Variants in GALK2 observed in about 807,000 individuals in gnomAD.
GALK2 encodes the protein galactokinase 2, also known as N-acetylgalactosamine kinase.
In GALK2, 36 loss-of-function variants were observed where a neutral mutation model predicts 52.4. The observed-to-expected ratio is 0.69, with a 90% confidence interval of 0.53 to 0.91. The LOEUF (loss-of-function observed/expected upper bound fraction) is 0.91. Among genes scored for constraint, GALK2 ranks in the 40% least tolerant of loss-of-function variants. The probability of loss-of-function intolerance (pLI) is 0.00; values close to 1 mark genes in which losing one functional copy is unlikely to be tolerated. For missense variants in GALK2, 579 were observed against 559.1 expected (o/e 1.04, Z -0.36); for synonymous variants, 176 against 199.1 (o/e 0.88, Z 0.98).
intron 8 of GALK2, among the ~76,000 whole-genome samples, chr15:49,308,536 C>T (rs1567045994): frequency 6.6e-6 from 1 of 152,182 alleles, no homozygotes; most frequent in Non-Finnish European, 1.5e-5. Context: ...TCTTAAAATA[C>T]TTATTGCTTT....
intron 2 of GALK2, among the ~76,000 whole-genome samples, chr15:49,208,328 C>A (rs922018295): frequency 6.6e-6 from 1 of 152,110 alleles, no homozygotes; most frequent in African/African-American, 2.4e-5. Context: ...TTAGCTGTAT[C>A]CCAGAGGTTT....
At chr15:49,168,108 T>A (rs549701044), upstream of GALK2, among the ~76,000 whole-genome samples, 1 of 152,330 alleles carries the variant, frequency 6.6e-6, no homozygotes, top group South Asian at 2.1e-4. Context: ...TTTGTGCCAA[T>A]CATTTCAAAA....
intron 5 of GALK2, among the ~76,000 whole-genome samples, chr15:49,243,636 A>C (rs187689686): frequency 1.7e-4 from 26 of 152,292 alleles, no homozygotes; most frequent in Admixed American, 1.0e-3. Flanking sequence ...AACAAAAAAA[A>C]CAGAGAAAAC....
intron 9 of GALK2, 23 bp downstream of exon 9, chr15:49,319,828 A>T (rs1198180940): frequency 1.3e-6 from 2 of 1,594,186 alleles, no homozygotes; most frequent in African/African-American, 2.7e-5. Context: ...GGTGGGGGCC[A>T]AGGGATGCCA....
intron 3 of GALK2, among the ~76,000 whole-genome samples, chr15:49,228,660 GATATATATAT>G (rs34288229): frequency 2.1e-4 from 3 of 14,226 alleles, no homozygotes; most frequent in African/African-American, 9.2e-4. Context: ...GTCTTTCACT[GATATATATAT>G]ATATATATAT....
intron 1 of GALK2, among the ~76,000 whole-genome samples, chr15:49,162,645 T>C (rs940003398): frequency 1.3e-5 from 2 of 152,242 alleles, no homozygotes; most frequent in African/African-American, 2.4e-5. Flanking sequence ...GATTACATTA[T>C]ACAAGATTGT....
intron 5 of GALK2, among the ~76,000 whole-genome samples, chr15:49,255,664 GCTGT>G (rs2091785978): frequency 6.6e-6 from 1 of 151,870 alleles, no homozygotes; most frequent in Non-Finnish European, 1.5e-5. Flanking sequence ...GTAGAGATCT[GCTGT>G]CTATCAAAAT....
intron 7 of GALK2, among the ~76,000 whole-genome samples, chr15:49,284,582 A>T (rs1369095813): frequency 6.6e-6 from 1 of 152,162 alleles, no homozygotes; most frequent in East Asian, 1.9e-4. Context: ...TGATCTCCTG[A>T]TGGATACTGA....
chr15:49,308,668 C>T (rs1313077720), intron 8 of GALK2, among the ~76,000 whole-genome samples: 1 of 152,136 alleles, frequency 6.6e-6, no homozygotes, highest in East Asian at 1.9e-4. Context: ...AGATGATGGT[C>T]CAGCTCTCCC....
At position 49,319,757 on chromosome 15, in the gene GALK2, T is replaced by C. The variant is rs748001624; in HGVS notation, c.1121T>C (p.Met374Thr). Residue 374 changes from methionine (M) to threonine (T), a missense_variant, in exon 9 of 10, where the codon ATG becomes ACG. Coordinates refer to ENST00000560031, the MANE Select transcript of GALK2 (RefSeq NM_002044.4). ...CAGAGCCACATGAGCTGCCGGGACA[T>C]GTATGAGTGCAGCTGCCCCGAGCTG... Reference protein sequence around the residue: ...MNQSHMSCRDMYECSCPELDQ... With the variant: ...MNQSHMSCRDTYECSCPELDQ... 28 of 1,613,920 alleles carry C rather than the reference T, an allele frequency of 1.7e-5. No individual in the cohort carries two copies. Among genetic ancestry groups the C allele is most frequent in the East Asian group, 2.2e-5 (1 of 44,882 alleles).
intron 2 of GALK2, among the ~76,000 whole-genome samples, chr15:49,202,121 A>AG (rs1287763692): frequency 1.3e-5 from 2 of 152,100 alleles, no homozygotes; most frequent in Non-Finnish European, 2.9e-5. Context: ...CTCCTGCCTC[A>AG]GCCTCCCGAG....
intron 1 of GALK2, chr15:49,161,744 A>T (rs1361964206): frequency 5.3e-6 from 1 of 188,470 alleles, no homozygotes; most frequent in Non-Finnish European, 1.1e-5. Context: ...TTTGAGATGG[A>T]GTCTTGCTTT....
At chr15:49,276,584 A>G (rs1324703098) in intron 5 of GALK2, among the ~76,000 whole-genome samples, 2 of 152,242 alleles carry the variant, frequency 1.3e-5, no homozygotes, top group Non-Finnish European at 2.9e-5. Flanking sequence ...CTGTCTGATT[A>G]TAATCCTTGG....
chr15:49,209,986 T>A (rs985661124), intron 2 of GALK2, among the ~76,000 whole-genome samples: 1 of 152,196 alleles, frequency 6.6e-6, no homozygotes, highest in Non-Finnish European at 1.5e-5. Context: ...TTGGGAGACT[T>A]TTTACTGTTG....
chr15:49,259,850 G>A (rs553048778), intron 5 of GALK2, among the ~76,000 whole-genome samples: 5 of 150,818 alleles, frequency 3.3e-5, no homozygotes, highest in South Asian at 2.1e-4. Context: ...TTGTTCTTGC[G>A]ATACTTTACT....
intron 1 of GALK2, among the ~76,000 whole-genome samples, chr15:49,194,474 G>A (rs1300693698): frequency 6.6e-6 from 1 of 152,036 alleles, no homozygotes; most frequent in Non-Finnish European, 1.5e-5. Flanking sequence ...TTTTCATTAC[G>A]GAGGCCATAT....
At chr15:49,218,709 C>T (rs964617514) in intron 3 of GALK2, among the ~76,000 whole-genome samples, 1 of 152,184 alleles carries the variant, frequency 6.6e-6, no homozygotes, top group Non-Finnish European at 1.5e-5. Context: ...ACATTTAGAT[C>T]ATTCCCAGTT....
upstream of GALK2, among the ~76,000 whole-genome samples, chr15:49,166,548 A>G (rs2084828978): frequency 6.6e-6 from 1 of 152,012 alleles, no homozygotes; most frequent in Admixed American, 6.6e-5. Context: ...TTGAAACCCC[A>G]TCTCTACTAA....
chr15:49,365,751 C>T, intron 3 of GALK2: 1 of 866,492 alleles, frequency 1.2e-6, no homozygotes, highest in Non-Finnish European at 2.0e-6. Flanking sequence ...TCCAAGCCCA[C>T]CTGTCTTCAT....
Sources: allele counts gnomAD v4.1 joint callset (sites outside exome capture counted in the v4.1 genomes callset), GRCh38; gene constraint gnomAD v4.1.1; transcripts MANE v1.5; gene names NCBI Gene and HGNC (gene_info 2026-07-23, HGNC 2026-07-21).